Variants in MAP3K5 observed in about 807,000 individuals in gnomAD.
MAP3K5 encodes the protein ASK-1.
In MAP3K5, 56 loss-of-function variants were observed where a neutral mutation model predicts 158.7. The ratio of observed to expected loss-of-function variants is 0.35; its 90% CI spans 0.28 to 0.44. The LOEUF is 0.44. Ranked by LOEUF, MAP3K5 falls within the 20% of genes least tolerant of loss-of-function variation. MAP3K5 has a pLI of 1.00. For synonymous variants in MAP3K5, 579 were observed against 601.7 expected (o/e 0.96, Z 0.55); for missense variants, 1,294 against 1,674.8 (o/e 0.77, Z 3.97).
At chr6:136,589,620 G>T (rs1775294851) in intron 23 of MAP3K5, among the ~76,000 whole-genome samples, 2 of 152,106 alleles carry the variant, frequency 1.3e-5, no homozygotes, top group African/African-American at 4.8e-5. Flanking sequence ...GCCTCAAAAG[G>T]GATAATTAGG....
intron 7 of MAP3K5, among the ~76,000 whole-genome samples, chr6:136,684,654 C>T (rs1365896647): frequency 6.6e-6 from 1 of 152,140 alleles, no homozygotes; most frequent in Non-Finnish European, 1.5e-5. Context: ...TGAAAGCTGG[C>T]TCTCCTCCCA....
At chr6:136,730,459 C>T (rs534800478) in intron 1 of MAP3K5, among the ~76,000 whole-genome samples, 162 of 152,106 alleles carry the variant, frequency 1.1e-3, no homozygotes, top group Admixed American at 3.9e-3. Flanking sequence ...CGGTGACTCA[C>T]GCCTGTAATC....
intron 6 of MAP3K5, among the ~76,000 whole-genome samples, chr6:136,695,556 C>G (rs1780568290): frequency 6.6e-6 from 1 of 152,228 alleles, no homozygotes; most frequent in South Asian, 2.1e-4. Flanking sequence ...CTATCTAACA[C>G]TATGTTCACC....
intron 7 of MAP3K5, among the ~76,000 whole-genome samples, chr6:136,685,530 T>C (rs1025071062): frequency 1.3e-5 from 2 of 152,074 alleles, no homozygotes; most frequent in Non-Finnish European, 2.9e-5. Context: ...ATTAATATTA[T>C]TAAAAAAGAG....
chr6:136,792,741 C>T (rs1323668824), upstream of MAP3K5, among the ~76,000 whole-genome samples: 1 of 152,188 alleles, frequency 6.6e-6, no homozygotes, highest in African/African-American at 2.4e-5. This position sits in a 1 kb window ranked among gnomAD's most constrained non-coding sequence, Gnocchi z 5.7. Flanking sequence ...TCGCCTTCAT[C>T]GGGTGGATTT....
intron 1 of MAP3K5, among the ~76,000 whole-genome samples, chr6:136,758,383 A>G (rs1437253601): frequency 6.6e-6 from 1 of 152,262 alleles, no homozygotes; most frequent in Non-Finnish European, 1.5e-5. Context: ...TTTACATATG[A>G]TGAAAACTGA....
intron 23 of MAP3K5, among the ~76,000 whole-genome samples, chr6:136,591,402 T>C (rs1017730155): frequency 1.3e-5 from 2 of 152,242 alleles, no homozygotes; most frequent in Non-Finnish European, 2.9e-5. Context: ...GCTGCCAGAA[T>C]AGGCTCTGGC....
chr6:136,647,964 T>C (rs1434744112), intron 11 of MAP3K5: 1 of 152,216 alleles, frequency 6.6e-6, no homozygotes, highest in African/African-American at 2.4e-5. Flanking sequence ...TCTACCATCA[T>C]CTCAACAGTG....
At chr6:136,766,848 C>T (rs1041737325) in intron 1 of MAP3K5, among the ~76,000 whole-genome samples, 1 of 152,110 alleles carries the variant, frequency 6.6e-6, no homozygotes, top group African/African-American at 2.4e-5. Context: ...AAGCATATTA[C>T]AGGAAAATTA....
Position 136,756,824 on chromosome 6 carries a change from A to T in MAP3K5, c.448+34886T>A, listed in dbSNP as rs373334825. On this transcript the variant is annotated intron_variant, in intron 1 of 29. Transcript: ENST00000359015. ...TCTAGATTATCAGAGCATTGTCAGCACTGAGGGGCTGATGGCCCGGTGCAT... is the reference window on the plus strand; with the variant it reads ...TCTAGATTATCAGAGCATTGTCAGCTCTGAGGGGCTGATGGCCCGGTGCAT... Among the ~76,000 whole-genome samples the T allele has an allele frequency of 1.9e-4, 29 of 152,304 alleles. 1 individual carries two copies. Among genetic ancestry groups the T allele is most frequent in the Admixed American group, 9.2e-4 (14 of 15,300 alleles).
chr6:136,635,491 A>T (rs1290045029), intron 14 of MAP3K5, among the ~76,000 whole-genome samples: 1 of 152,178 alleles, frequency 6.6e-6, no homozygotes, highest in Non-Finnish European at 1.5e-5. Flanking sequence ...TAGGCCTGTC[A>T]TCTTTTTACA....
intron 3 of MAP3K5, among the ~76,000 whole-genome samples, chr6:136,703,059 T>C (rs1780921483): frequency 6.6e-6 from 1 of 152,194 alleles, no homozygotes; most frequent in African/African-American, 2.4e-5. Flanking sequence ...ATTCTGGTTT[T>C]CAATTTTTAG....
chr6:136,629,214 C>T (rs554361428), intron 14 of MAP3K5: 1 of 152,202 alleles, frequency 6.6e-6, no homozygotes, highest in Non-Finnish European at 1.5e-5. Context: ...TCCTTGCACT[C>T]TCGAAGGAAA....
At chr6:136,696,802 G>A (rs543762192) in intron 5 of MAP3K5, among the ~76,000 whole-genome samples, 13 of 152,254 alleles carry the variant, frequency 8.5e-5, no homozygotes, top group African/African-American at 3.1e-4. Context: ...AGGCGAGTTA[G>A]ATTCAGCACT....
chr6:136,753,301 G>A (rs1305591869), intron 1 of MAP3K5, among the ~76,000 whole-genome samples: 1 of 152,148 alleles, frequency 6.6e-6, no homozygotes, highest in Non-Finnish European at 1.5e-5. Flanking sequence ...AGTGAACACA[G>A]GAATTCCCGA....
intron 1 of MAP3K5, among the ~76,000 whole-genome samples, chr6:136,759,761 AT>A (rs11317822): frequency 0.7 from 69,838 of 99,560 alleles, 24,081 homozygotes; most frequent in African/African-American, 0.85. Flanking sequence ...CCAGCCCTCT[AT>A]TTTTTTTTTT....
intron 2 of MAP3K5, among the ~76,000 whole-genome samples, chr6:136,714,841 G>C (rs551478665): frequency 1.3e-5 from 2 of 152,176 alleles, no homozygotes; most frequent in African/African-American, 4.8e-5. Flanking sequence ...ATTTTGGTTT[G>C]TGCACCTAAG....
intron 7 of MAP3K5, among the ~76,000 whole-genome samples, chr6:136,686,090 T>C (rs557180830): frequency 6.6e-6 from 1 of 152,164 alleles, no homozygotes. Context: ...TCCCTTTTAG[T>C]GTTAAATAGG....
At chr6:136,689,716 A>G (rs1272297628) in intron 7 of MAP3K5, among the ~76,000 whole-genome samples, 1 of 152,138 alleles carries the variant, frequency 6.6e-6, no homozygotes, top group Non-Finnish European at 1.5e-5. Flanking sequence ...GAGTTGATGT[A>G]ACAAGAAGGC....
Sources: gnomAD v4.1 joint callset for allele counts (sites outside exome capture counted in the v4.1 genomes callset) on GRCh38, gnomAD v4.1.1 for gene constraint, Gnocchi (gnomAD v3.1) non-coding constraint, MANE v1.5 for transcripts, NCBI Gene and HGNC (gene_info 2026-07-23, HGNC 2026-07-21) for gene names.